CFAP300: variants seen among roughly 807,000 people sequenced by gnomAD.
The protein encoded by CFAP300 is cilia- and flagella-associated protein 300.
CFAP300 carries 32 observed loss-of-function variants against 33.0 expected under a neutral mutation model. The observed-to-expected ratio is 0.97, with a 90% CI of 0.73 to 1.30. CFAP300 has a LOEUF of 1.30. Ranked by LOEUF, CFAP300 falls within the 50% of genes most tolerant of loss-of-function variation. The pLI is 0.00. For missense variants in CFAP300, 356 were observed against 318.1 expected (o/e 1.12, Z -0.90); for synonymous variants, 102 against 106.8 (o/e 0.95, Z 0.28).
rs1332331873 is a variant in CFAP300, at chr11:102,081,284, A to G, written c.675+3A>G. ...CTGTCTTTAAAGTTTCAGCTTATGT[A>G]AGTGTGAGAGAACTTTTGCAACCAA... On this transcript the variant is annotated splice_donor_region_variant and intron_variant, in intron 6 of 6. Coordinates refer to ENST00000434758, the MANE Select transcript of CFAP300 (RefSeq NM_032930.3). 1.9e-6 allele frequency: 3 copies of G among 1,611,068 alleles called. No homozygotes were observed. The highest frequency in any genetic ancestry group is 1.7e-5 in the Admixed American group (1 of 59,912).
At chr11:102,061,118 C>G (rs1007699653) in intron 3 of CFAP300, among the ~76,000 whole-genome samples, 2 of 152,032 alleles carry the variant, frequency 1.3e-5, no homozygotes, top group African/African-American at 4.8e-5. Flanking sequence ...TTGAAAAAAT[C>G]ATTGCAAAAA....
At position 102,073,943 on chromosome 11, in the gene CFAP300, C is replaced by T. The variant is rs144271644; in HGVS notation, c.436-1930C>T. ...CTGCTGGTGGTGGCAAGGTTGCTAT[C>T]AGTGACAGCGGCCCCAGGTAAGTGG... On this transcript the variant is annotated intron_variant, in intron 4 of 6. Coordinates refer to ENST00000434758, the MANE Select transcript of CFAP300 (RefSeq NM_032930.3). Among the ~76,000 whole-genome samples, 19 of 152,256 alleles carry T rather than the reference C, an allele frequency of 1.2e-4. No individual in the cohort carries two copies. In the East Asian group the frequency reaches 3.1e-3, roughly 25 times the overall value.
chr11:102,063,255 G>T (rs1413305565), intron 3 of CFAP300, among the ~76,000 whole-genome samples: 2 of 152,248 alleles, frequency 1.3e-5, no homozygotes, highest in East Asian at 3.9e-4. Context: ...TTATCCTTGA[G>T]CATTTAAGAT....
In CFAP300 at chr11:102,084,504, T is replaced by C. The variant is rs1565400889; in HGVS notation, c.*1305T>C. On this transcript the variant is annotated 3_prime_UTR_variant, in exon 7 of 7. Coordinates refer to ENST00000434758, the MANE Select transcript of CFAP300 (RefSeq NM_032930.3). ...TGAATGAATAACTACTTTCTAGATATCCTCATAATACCCATAGATTTTTTT... is the reference window on the plus strand; with the variant it reads ...TGAATGAATAACTACTTTCTAGATACCCTCATAATACCCATAGATTTTTTT... 6.6e-6 allele frequency: 1 copy of C among 152,240 alleles called. No individual in the cohort carries two copies. Among genetic ancestry groups the C allele is most frequent in the Non-Finnish European group, 1.5e-5 (1 of 68,042 alleles). 9.4% of individuals were successfully genotyped at this position (152,240 alleles called of 1,614,324 possible). A position where few individuals can be genotyped will look rare whatever the true frequency, so the allele number is the denominator to read the frequency against.
At chr11:102,050,300 G>A (rs924651722) in intron 2 of CFAP300, among the ~76,000 whole-genome samples, 1 of 152,096 alleles carries the variant, frequency 6.6e-6, no homozygotes, top group Non-Finnish European at 1.5e-5. Context: ...TTAAAATTCA[G>A]AAAGGTTACA....
chr11:102,063,937 C>A (rs1280020691), intron 3 of CFAP300, among the ~76,000 whole-genome samples: 1 of 152,196 alleles, frequency 6.6e-6, no homozygotes, highest in East Asian at 1.9e-4. Flanking sequence ...AATGACTGAA[C>A]TATGCCTTTC....
At chr11:102,057,447 G>GT (rs11354639) in intron 2 of CFAP300, among the ~76,000 whole-genome samples, 18 of 149,670 alleles carry the variant, frequency 1.2e-4, no homozygotes, top group Admixed American at 2.0e-4. Context: ...CTTACAGTTA[G>GT]TTTTTTTTTT....
chr11:102,057,200 A>C (rs1183972320), intron 2 of CFAP300, among the ~76,000 whole-genome samples: 2 of 151,622 alleles, frequency 1.3e-5, no homozygotes, highest in African/African-American at 2.4e-5. Flanking sequence ...TTAGCCGGGC[A>C]TGGTGGCACA....
chr11:102,061,307 A>G (rs913703721), intron 3 of CFAP300, among the ~76,000 whole-genome samples: 4 of 152,080 alleles, frequency 2.6e-5, no homozygotes, highest in African/African-American at 7.2e-5. Flanking sequence ...TCTTTTTCTG[A>G]AATACCCCCC....
At chr11:102,052,726 C>T (rs1941989332) in intron 2 of CFAP300, among the ~76,000 whole-genome samples, 2 of 152,022 alleles carry the variant, frequency 1.3e-5, no homozygotes, top group Admixed American at 1.3e-4. Flanking sequence ...TTGTTTCTTC[C>T]TCCTAAATAA....
At chr11:102,062,959 T>C (rs1337580389) in intron 3 of CFAP300, among the ~76,000 whole-genome samples, 2 of 152,228 alleles carry the variant, frequency 1.3e-5, no homozygotes, top group Admixed American at 6.5e-5. Flanking sequence ...CATAGAGCTA[T>C]TGGGCTGTGA....
intron 2 of CFAP300, among the ~76,000 whole-genome samples, chr11:102,050,735 A>G (rs998754246): frequency 1.3e-5 from 2 of 152,222 alleles, no homozygotes; most frequent in Non-Finnish European, 2.9e-5. Context: ...GCGGGGCCTG[A>G]AAGATGAGTA....
Position 102,082,465 on chromosome 11 carries a change from CT to C in CFAP300, c.676-599del, listed in dbSNP as rs576078253. 2.2e-3 allele frequency among the ~76,000 whole-genome samples: 332 copies of C among 151,748 alleles called. 1 individual carries two copies. Among genetic ancestry groups the C allele is most frequent in the African/African-American group, 7.7e-3 (319 of 41,404 alleles). ...TTGCAATATTAGCACTTTAAAAGCA[CT>C]TTTTTTAAAATGATGGGATTTGTCT... On this transcript the variant is annotated intron_variant, in intron 6 of 6. Coordinates refer to ENST00000434758, the MANE Select transcript of CFAP300 (RefSeq NM_032930.3).
intron 6 of CFAP300, 66 bp from the exon 7 acceptor site, chr11:102,083,005 A>G (rs1591069537): frequency 1.1e-6 from 1 of 901,790 alleles, no homozygotes; most frequent in East Asian, 5.8e-5. Flanking sequence ...TCAAAAAATA[A>G]TAATAATAAA....
At chr11:102,061,641 T>C (rs911795755) in intron 3 of CFAP300, among the ~76,000 whole-genome samples, 3 of 152,236 alleles carry the variant, frequency 2.0e-5, no homozygotes, top group African/African-American at 7.2e-5. Flanking sequence ...TATATCACTA[T>C]TTTACAAATG....
rs961421925 is a variant in CFAP300 at position 102,058,731 on chromosome 11, ATTTATAAACTCT to A, written c.193-146_193-135del. 17 of 561,020 alleles carry A rather than the reference ATTTATAAACTCT, an allele frequency of 3.0e-5. No individual in the cohort carries two copies. The Admixed American group carries it at 4.0e-4, about 13-fold the overall frequency. 34.8% of individuals were successfully genotyped at this position (561,020 alleles called of 1,614,324 possible). A position where few individuals can be genotyped will look rare whatever the true frequency, so the allele number is the denominator to read the frequency against. On this transcript the variant is annotated intron_variant, in intron 2 of 6. Transcript: ENST00000434758. Reference sequence around the variant, plus strand: ...AGTTGGATGTAATAAAACTTCATTTATTTATAAACTCTTTATTACTCAGACATTTTACCAATT... The same window carrying A: ...AGTTGGATGTAATAAAACTTCATTTATTATTACTCAGACATTTTACCAATT...
chr11:102,071,103 A>T (rs1222557760), intron 4 of CFAP300, among the ~76,000 whole-genome samples: 1 of 152,150 alleles, frequency 6.6e-6, no homozygotes, highest in African/African-American at 2.4e-5. Context: ...TTCTGTCTAG[A>T]TGATCTGGCT....
intron 3 of CFAP300, among the ~76,000 whole-genome samples, chr11:102,065,971 CTTTT>C (rs59366521): frequency 1.5e-5 from 2 of 134,898 alleles, no homozygotes; most frequent in Admixed American, 7.5e-5. Context: ...TTGTTATAAA[CTTTT>C]TTTTTTTTTT....
intron 5 of CFAP300, 145 bp from the exon 6 acceptor site, chr11:102,081,070 C>T (rs964872518): frequency 1.9e-6 from 1 of 540,016 alleles, no homozygotes; most frequent in African/African-American, 1.9e-5. Context: ...CCTCAGATGC[C>T]ATTTTTTCAA....
Sources: allele counts gnomAD v4.1 joint callset (sites outside exome capture counted in the v4.1 genomes callset), GRCh38; gene constraint gnomAD v4.1.1; transcripts MANE v1.5; gene names NCBI Gene and HGNC (gene_info 2026-07-23, HGNC 2026-07-21).